GEMIN8: variants seen among roughly 807,000 people sequenced by gnomAD.
GEMIN8 encodes gem-associated protein 8.
For synonymous variants in GEMIN8, 80 were observed against 78.5 expected, an observed-to-expected ratio of 1.02 and a Z score of -0.10; for missense variants, 185 against 205.9, an observed-to-expected ratio of 0.90 and a Z score of 0.62.
chrX:14,010,687 T>C (rs1414274912), intron 4 of GEMIN8, among the ~76,000 whole-genome samples: 5 of 112,093 alleles, frequency 4.5e-5, no homozygotes, highest in Non-Finnish European at 7.5e-5. Context: ...TATGTGGCCA[T>C]TGCTGTCTTG....
chrX:14,026,219 G>A lies in GEMIN8; in HGVS notation c.-113C>T. Reference sequence around the variant, plus strand: ...GTAACTTTTCTCCAATGGGCTGGTGGAGCTGAAAGAAAAGAGATTGGCAAT... The same window carrying A: ...GTAACTTTTCTCCAATGGGCTGGTGAAGCTGAAAGAAAAGAGATTGGCAAT... On this transcript the variant is annotated splice_region_variant and 5_prime_UTR_variant, in exon 2 of 5. Transcript: ENST00000680255. 1.3e-6 allele frequency: 1 copy of A among 750,459 alleles called. No individual in the cohort carries two copies. Among genetic ancestry groups the A allele is most frequent in the Non-Finnish European group, 1.6e-6 (1 of 635,598 alleles). 61.8% of individuals were successfully genotyped at this position (750,459 alleles called of 1,213,427 possible).
the GEMIN8 span, among the ~76,000 whole-genome samples, chrX:13,988,079 C>T: frequency 9.0e-6 from 1 of 111,592 alleles, no homozygotes; most frequent in Non-Finnish European, 1.9e-5. Flanking sequence ...TGATTCATTC[C>T]CTGGGGCTCA....
chrX:14,016,746 G>A (rs1255884114), intron 4 of GEMIN8, among the ~76,000 whole-genome samples: 1 of 102,426 alleles, frequency 9.8e-6, no homozygotes, highest in Non-Finnish European at 2.0e-5. Flanking sequence ...TTGGGAGGCC[G>A]AGGCAGGAGA....
chrX:14,028,164 TACTC>T (rs768291519), intron 1 of GEMIN8, among the ~76,000 whole-genome samples: 25 of 112,373 alleles, frequency 2.2e-4, no homozygotes, highest in Admixed American at 1.2e-3. Flanking sequence ...CTTGGGCACT[TACTC>T]AGTTACCTGT....
chrX:14,001,333 C>T, the GEMIN8 span, among the ~76,000 whole-genome samples: 1 of 112,092 alleles, frequency 8.9e-6, no homozygotes, highest in Non-Finnish European at 1.9e-5. Context: ...AAACCCATAA[C>T]CATAAAACAA....
rs1032039982 is a variant in GEMIN8, at chrX:14,008,857, T to G, written c.*56A>C. The G allele has an allele frequency of 2.7e-6, 3 of 1,103,554 alleles. No homozygotes were observed. The highest frequency in any genetic ancestry group is 4.0e-5 in the South Asian group (2 of 50,625). 90.9% of individuals were successfully genotyped at this position (1,103,554 alleles called of 1,213,427 possible). On this transcript the variant is annotated 3_prime_UTR_variant, in exon 5 of 5. Transcript: ENST00000680255. ...CCTAAGAAATGTACAGAAGGAGAGATAAAGAGCGTGTACCCAAAAGGAAGA... is the reference window on the plus strand; with the variant it reads ...CCTAAGAAATGTACAGAAGGAGAGAGAAAGAGCGTGTACCCAAAAGGAAGA...
the GEMIN8 span, among the ~76,000 whole-genome samples, chrX:13,999,362 T>C: frequency 9.5e-6 from 1 of 105,417 alleles, no homozygotes; most frequent in Admixed American, 1.0e-4. Context: ...CTGCATCCTC[T>C]GCCTCCCAGA....
chrX:14,012,124 C>T (rs1230766807), intron 4 of GEMIN8, among the ~76,000 whole-genome samples: 1 of 108,120 alleles, frequency 9.2e-6, no homozygotes, highest in Non-Finnish European at 1.9e-5. Context: ...TTCAGGCTTC[C>T]TCATGAATTT....
intron 2 of GEMIN8, among the ~76,000 whole-genome samples, chrX:14,024,526 A>C (rs771313966): frequency 9.0e-6 from 1 of 110,757 alleles, no homozygotes; most frequent in Non-Finnish European, 1.9e-5. Flanking sequence ...CAAAAAAAAA[A>C]AGAAGAGGGA....
At chrX:14,018,872 C>T (rs1924117160) in intron 4 of GEMIN8, among the ~76,000 whole-genome samples, 1 of 106,543 alleles carries the variant, frequency 9.4e-6, no homozygotes, top group Non-Finnish European at 1.9e-5. Flanking sequence ...CTCAAGCCAT[C>T]CTCCCGAGTT....
chrX:13,989,813 G>C, the GEMIN8 span, among the ~76,000 whole-genome samples: 1 of 112,705 alleles, frequency 8.9e-6, no homozygotes, highest in African/African-American at 3.2e-5. Flanking sequence ...ATTTAGAGGA[G>C]TACTTGAGTG....
At chrX:14,021,724 A>G (rs1417134520) in intron 2 of GEMIN8, among the ~76,000 whole-genome samples, 2 of 104,784 alleles carry the variant, frequency 1.9e-5, no homozygotes, top group Non-Finnish European at 3.9e-5. Flanking sequence ...AAGTGGGTCA[A>G]AAGATCCTGC....
At chrX:14,021,808 G>A (rs1310671097) in intron 2 of GEMIN8, among the ~76,000 whole-genome samples, 4 of 46,774 alleles carry the variant, frequency 8.6e-5, no homozygotes, top group Non-Finnish European at 1.1e-4. Flanking sequence ...AGTAGTTAAT[G>A]TGTGTGTATA....
rs774123113 is a variant in GEMIN8 at position 14,020,406 on chromosome X, G to C, written c.144C>G (p.Ser48=). 1 of 1,207,912 alleles carries C rather than the reference G, an allele frequency of 8.3e-7. No homozygotes were observed. The highest frequency in any genetic ancestry group is 1.8e-5 in the South Asian group (1 of 56,882). ...HHNAYRKAVE[S]CFNLPWYLPS... ...GTAAGTACCATGGAAGATTGAAACA[G>C]GATTCCACGGCCTTCCTGTAGGCAT... The change falls in exon 4 of 5, where the codon TCC becomes TCG. Residue 48 remains serine (S), a synonymous_variant. Coordinates refer to ENST00000680255, the MANE Select transcript of GEMIN8 (RefSeq NM_001042479.2).
chrX:13,984,689 T>C, the GEMIN8 span, among the ~76,000 whole-genome samples: 3 of 111,708 alleles, frequency 2.7e-5, no homozygotes, highest in East Asian at 8.5e-4. Context: ...CAGTAAATAC[T>C]TGAGTGGTGA....
chrX:14,000,044 C>G, the GEMIN8 span, among the ~76,000 whole-genome samples: 1 of 111,180 alleles, frequency 9.0e-6, no homozygotes, highest in Non-Finnish European at 1.9e-5. Context: ...GTGGCTCACA[C>G]GTGTAATCCC....
In GEMIN8 at chrX:14,020,078, G is replaced by A. The variant is rs759594468; in HGVS notation, c.472C>T (p.Arg158Trp). ...AETERHREERRRQQQLDAERL... is the reference protein window; with the variant it reads ...AETERHREERWRQQQLDAERL... ...TGAAGAGACAGAGGCCTGAACTTAC[G>A]TCGTTCTTCTCTATGCCTCTCGGTC... The change falls in exon 4 of 5, where the codon CGG becomes TGG. Residue 158 changes from arginine to tryptophan, a missense_variant and splice_region_variant. Physicochemically the swap from Arg to Trp is moderately radical, Grantham distance 101. Coordinates refer to ENST00000680255, the MANE Select transcript of GEMIN8 (RefSeq NM_001042479.2). The A allele has an allele frequency of 2.6e-6, 3 of 1,151,779 alleles. No individual in the cohort carries two copies. Among genetic ancestry groups the A allele is most frequent in the Non-Finnish European group, 3.5e-6 (3 of 846,870 alleles). The allele number at this position is 1,151,779 out of a possible 1,213,427, so 94.9% of individuals were successfully genotyped here. A position where few individuals can be genotyped will look rare whatever the true frequency, so the allele number is the denominator to read the frequency against.
rs1923321918 is a variant in GEMIN8 at position 14,008,778 on chromosome X, G to C, written c.*135C>G. 1.7e-6 allele frequency: 1 copy of C among 599,722 alleles called. No individual in the cohort carries two copies. Among genetic ancestry groups the C allele is most frequent in the Admixed American group, 3.1e-5 (1 of 32,389 alleles). The allele number at this position is 599,722 out of a possible 1,213,427, so 49.4% of individuals were successfully genotyped here. A position where few individuals can be genotyped will look rare whatever the true frequency, so the allele number is the denominator to read the frequency against. On this transcript the variant is annotated 3_prime_UTR_variant, in exon 5 of 5. Coordinates refer to ENST00000680255, the MANE Select transcript of GEMIN8 (RefSeq NM_001042479.2). ...GGCATAGTACATCCACCCCGTGACAGGCCCACTGGGACTGTGGTGAACATG... is the reference window on the plus strand; with the variant it reads ...GGCATAGTACATCCACCCCGTGACACGCCCACTGGGACTGTGGTGAACATG...
chrX:14,021,820 A>ATATATATATATAG (rs1210711361), intron 2 of GEMIN8, among the ~76,000 whole-genome samples: 1 of 48,881 alleles, frequency 2.0e-5, no homozygotes, highest in Admixed American at 2.0e-4. Context: ...GTGTGTATAT[A>ATATATATATATAG]TATATATATA....
Sources: gnomAD v4.1 joint callset for allele counts (sites outside exome capture counted in the v4.1 genomes callset) on GRCh38, gnomAD v4.1.1 for gene constraint, MANE v1.5 for transcripts, NCBI Gene and HGNC (gene_info 2026-07-23, HGNC 2026-07-21) for gene names.